NCR3LG1: variants seen among roughly 807,000 people sequenced by gnomAD.
The protein encoded by NCR3LG1 is natural cytotoxicity triggering receptor 3 ligand 1.
A neutral mutation model predicts 34.8 loss-of-function variants in NCR3LG1; 35 were observed. The ratio of observed to expected loss-of-function variants is 1.01; its 90% CI spans 0.77 to 1.33. NCR3LG1 has a LOEUF of 1.33. Ranked by LOEUF, NCR3LG1 falls within the 40% of genes most tolerant of loss-of-function variation. The pLI is 0.00. For synonymous variants in NCR3LG1, 173 were observed against 163.6 expected, an observed-to-expected ratio of 1.06 and a Z score of -0.44; for missense variants, 452 against 423.3, an observed-to-expected ratio of 1.07 and a Z score of -0.60.
At chr11:17,353,430 A>G (rs1308702997) in intron 1 of NCR3LG1, among the ~76,000 whole-genome samples, 1 of 151,964 alleles carries the variant, frequency 6.6e-6, no homozygotes, top group Non-Finnish European at 1.5e-5. Flanking sequence ...TGCGGTCTGG[A>G]AACGCCTGTC....
chr11:17,352,078 G>A (rs757881566), intron 1 of NCR3LG1, 39 bp downstream of exon 1: 23 of 1,381,518 alleles, frequency 1.7e-5, no homozygotes, highest in Non-Finnish European at 2.1e-5. Context: ...GGGGGCTCCT[G>A]GCGCCAGAGG....
At chr11:17,364,078 T>G (rs978561659) in intron 2 of NCR3LG1, among the ~76,000 whole-genome samples, 1 of 152,230 alleles carries the variant, frequency 6.6e-6, no homozygotes, top group Non-Finnish European at 1.5e-5. Context: ...TCTCTTTTCT[T>G]CTTCTTGTAT....
downstream of NCR3LG1, among the ~76,000 whole-genome samples, chr11:17,379,624 G>C (rs1953503453): frequency 6.6e-6 from 1 of 152,250 alleles, no homozygotes; most frequent in African/African-American, 2.4e-5. Context: ...TGTTGCTCCA[G>C]TGGAGGCCAG....
intron 1 of NCR3LG1, among the ~76,000 whole-genome samples, chr11:17,353,357 G>A (rs1419260440): frequency 6.6e-6 from 1 of 152,240 alleles, no homozygotes; most frequent in African/African-American, 2.4e-5. Flanking sequence ...TGAAGTGTGG[G>A]CGGTGAAGTG....
intron 4 of NCR3LG1, among the ~76,000 whole-genome samples, chr11:17,370,530 T>C (rs888327110): frequency 1.3e-5 from 2 of 152,148 alleles, no homozygotes; most frequent in Non-Finnish European, 2.9e-5. Context: ...CTGCCAACCT[T>C]ATGAGACTTA....
rs753561672 is a variant in NCR3LG1 at position 17,368,916 on chromosome 11, C to T, written c.810C>T (p.Phe270=). Residue 270 remains phenylalanine, a synonymous_variant, in exon 4 of 5, where the codon TTC becomes TTT. Transcript: ENST00000338965. ...CCATTCATTGGTGGCCTATTTCATT[C>T]ATTGGTGTTGGACTGGTTTTATTAA... ...NFSIHWWPIS[F]IGVGLVLLIV... The T allele has an allele frequency of 8.5e-6, 13 of 1,535,260 alleles. No individual in the cohort carries two copies. The highest frequency in any genetic ancestry group is 3.6e-5 in the South Asian group (3 of 83,948).
At chr11:17,364,826 A>G (rs1953327311) in intron 2 of NCR3LG1, among the ~76,000 whole-genome samples, 1 of 152,186 alleles carries the variant, frequency 6.6e-6, no homozygotes, top group Admixed American at 6.5e-5. Flanking sequence ...GATTATAGGT[A>G]TGAGCCATTG....
At chr11:17,368,370 T>A (rs1953370531) in intron 3 of NCR3LG1, among the ~76,000 whole-genome samples, 1 of 152,022 alleles carries the variant, frequency 6.6e-6, no homozygotes, top group African/African-American at 2.4e-5. Flanking sequence ...AGGGAGTGAC[T>A]GGGGCACTGA....
chr11:17,352,704 A>C (rs1953152555), intron 1 of NCR3LG1, among the ~76,000 whole-genome samples: 1 of 152,066 alleles, frequency 6.6e-6, no homozygotes, highest in Non-Finnish European at 1.5e-5. Context: ...AAAATCATTC[A>C]TCCGCATATC....
intron 4 of NCR3LG1, among the ~76,000 whole-genome samples, chr11:17,369,457 C>A (rs1045019705): frequency 2.0e-5 from 3 of 152,186 alleles, no homozygotes; most frequent in African/African-American, 7.2e-5. Flanking sequence ...AAACATGTTT[C>A]TAAACATTTT....
intron 4 of NCR3LG1, among the ~76,000 whole-genome samples, chr11:17,370,942 T>C (rs1160549103): frequency 6.6e-6 from 1 of 152,162 alleles, no homozygotes; most frequent in Non-Finnish European, 1.5e-5. Context: ...AAATAATTGT[T>C]GTTTTTGTGA....
At chr11:17,377,887 C>T (rs61390234), downstream of NCR3LG1, among the ~76,000 whole-genome samples, 2,678 of 152,240 alleles carry the variant, frequency 0.018, 92 homozygotes, top group African/African-American at 0.062. Context: ...ATCTCAGATG[C>T]GCTGAACAAA....
intron 2 of NCR3LG1, among the ~76,000 whole-genome samples, chr11:17,359,032 A>G (rs1591679525): frequency 6.6e-6 from 1 of 152,144 alleles, no homozygotes; most frequent in South Asian, 2.1e-4. Flanking sequence ...CTCCAGACTC[A>G]TCTTGTATAT....
At chr11:17,381,459 ATTC>A (rs1360241219), downstream of NCR3LG1, 4 of 152,580 alleles carry the variant, frequency 2.6e-5, no homozygotes, top group Non-Finnish European at 4.4e-5. Context: ...AATGATTTTT[ATTC>A]TTCTACTTCC....
At chr11:17,354,581 A>G (rs1489908447) in intron 1 of NCR3LG1, among the ~76,000 whole-genome samples, 6 of 48,680 alleles carry the variant, frequency 1.2e-4, no homozygotes, top group Non-Finnish European at 2.7e-4. Context: ...TTTGGTAGTC[A>G]CTTTTCGTTT....
intron 1 of NCR3LG1, among the ~76,000 whole-genome samples, chr11:17,354,211 C>T (rs996401515): frequency 1.3e-5 from 2 of 152,240 alleles, no homozygotes; most frequent in African/African-American, 4.8e-5. Flanking sequence ...GGTTATACCA[C>T]TAGTTGATTT....
intron 3 of NCR3LG1, among the ~76,000 whole-genome samples, 189 bp downstream of exon 3, chr11:17,367,536 C>G (rs940743169): frequency 1.3e-5 from 2 of 152,158 alleles, no homozygotes; most frequent in Admixed American, 6.5e-5. Flanking sequence ...GGTCCCTACA[C>G]CTGGGCAGAT....
At chr11:17,358,291 T>G (rs922052357) in intron 2 of NCR3LG1, among the ~76,000 whole-genome samples, 1 of 152,238 alleles carries the variant, frequency 6.6e-6, no homozygotes, top group African/African-American at 2.4e-5. Context: ...TTAATTGTTA[T>G]ATGTTCTTAG....
intron 1 of NCR3LG1, 43 bp from the exon 2 acceptor site, chr11:17,356,608 C>A: frequency 7.3e-7 from 1 of 1,376,498 alleles, no homozygotes; most frequent in Non-Finnish European, 9.8e-7. Flanking sequence ...AAAAGATGTT[C>A]ATACATTGGT....
Sources: gnomAD v4.1 joint callset for allele counts (sites outside exome capture counted in the v4.1 genomes callset) on GRCh38, gnomAD v4.1.1 for gene constraint, MANE v1.5 for transcripts, NCBI Gene and HGNC (gene_info 2026-07-23, HGNC 2026-07-21) for gene names.